Variants in KIF26B observed in about 807,000 individuals in gnomAD.
KIF26B encodes the protein kinesin-like protein KIF26B.
A neutral mutation model predicts 151.2 loss-of-function variants in KIF26B; 63 were observed. The ratio of observed to expected loss-of-function variants is 0.42; its 90% CI spans 0.34 to 0.51. KIF26B has a LOEUF of 0.51. KIF26B is among the 20% of genes least tolerant of loss of function. The pLI, the probability that KIF26B is intolerant of heterozygous loss-of-function variation, is 0.07. For synonymous variants in KIF26B, 1,357 were observed against 1,262.1 expected (o/e 1.08, Z -1.59); for missense variants, 2,813 against 2,913.6 (o/e 0.97, Z 0.79).
At chr1:245,361,466 A>C (rs1462438939) in intron 2 of KIF26B, among the ~76,000 whole-genome samples, 1 of 152,182 alleles carries the variant, frequency 6.6e-6, no homozygotes, top group Non-Finnish European at 1.5e-5. Flanking sequence ...CAGCGTGTTC[A>C]CGTGCTCAGC....
chr1:245,329,408 A>G (rs1672056404), intron 2 of KIF26B, among the ~76,000 whole-genome samples: 1 of 152,248 alleles, frequency 6.6e-6, no homozygotes, highest in Admixed American at 6.5e-5. Context: ...ACACCGTGGC[A>G]TTCCTGCCTG....
intron 2 of KIF26B, among the ~76,000 whole-genome samples, chr1:245,191,348 G>T (rs113968778): frequency 6.6e-6 from 1 of 151,932 alleles, no homozygotes; most frequent in African/African-American, 2.4e-5. Context: ...GATGGCAGAC[G>T]CCTGTAATCC....
chr1:245,298,076 G>A (rs956755633), intron 2 of KIF26B, among the ~76,000 whole-genome samples: 7 of 151,902 alleles, frequency 4.6e-5, no homozygotes, highest in African/African-American at 1.5e-4. Context: ...TAGTAGAGAC[G>A]GGCTCTCACC....
intron 2 of KIF26B, among the ~76,000 whole-genome samples, chr1:245,268,951 C>T (rs865802353): frequency 6.6e-6 from 1 of 152,010 alleles, no homozygotes; most frequent in Non-Finnish European, 1.5e-5. Context: ...GCTGTGTATA[C>T]ATGTGTAGTG....
At chr1:245,425,889 T>G (rs1282877987) in intron 4 of KIF26B, among the ~76,000 whole-genome samples, 1 of 152,236 alleles carries the variant, frequency 6.6e-6, no homozygotes, top group Admixed American at 6.5e-5. Context: ...AGTTCTGCCC[T>G]CAGACATCAC....
intron 9 of KIF26B, among the ~76,000 whole-genome samples, chr1:245,620,738 A>C (rs1348955877): frequency 6.6e-6 from 1 of 152,206 alleles, no homozygotes; most frequent in African/African-American, 2.4e-5. Flanking sequence ...TTTTCAAAGC[A>C]TTGAGTTGAG....
chr1:245,661,061 A>G (rs896349599), intron 10 of KIF26B, among the ~76,000 whole-genome samples: 3 of 149,528 alleles, frequency 2.0e-5, no homozygotes, highest in African/African-American at 7.4e-5. Flanking sequence ...ATCTTGGCTC[A>G]CTGCAACCTC....
intron 2 of KIF26B, among the ~76,000 whole-genome samples, chr1:245,158,070 G>A (rs944404360): frequency 1.1e-4 from 16 of 152,144 alleles, no homozygotes; most frequent in African/African-American, 3.1e-4. Context: ...GGAATGTAGG[G>A]TGCTGTGAGG....
chr1:245,250,670 T>A (rs1670426724), intron 2 of KIF26B, among the ~76,000 whole-genome samples: 1 of 152,220 alleles, frequency 6.6e-6, no homozygotes. Context: ...TGTTTTCTTG[T>A]TTTGAGATGG....
In KIF26B at chr1:245,364,133, C is replaced by T. The variant is rs559586673; in HGVS notation, c.466-2701C>T. The stretch of plus-strand genomic sequence containing the variant: ...GGTGTTGTTCTCATGCACCCTCAGA[C>T]CCCCAGCCTGGGGCAACACTGGGCG... On this transcript the variant is annotated intron_variant, in intron 2 of 14. Coordinates refer to ENST00000407071, the MANE Select transcript of KIF26B (RefSeq NM_018012.4). Among the ~76,000 whole-genome samples the T allele has an allele frequency of 2.6e-5, 4 of 152,300 alleles. No homozygotes were observed. In the South Asian group the frequency reaches 8.3e-4, roughly 32 times the overall value.
chr1:245,274,077 G>A (rs1670897948), intron 2 of KIF26B, among the ~76,000 whole-genome samples: 1 of 151,928 alleles, frequency 6.6e-6, no homozygotes, highest in Admixed American at 6.6e-5. Context: ...ACATTTTATA[G>A]TTATATTAAT....
intron 5 of KIF26B, among the ~76,000 whole-genome samples, chr1:245,568,470 C>A (rs895172661): frequency 2.6e-5 from 4 of 151,784 alleles, no homozygotes; most frequent in Admixed American, 2.6e-4. Flanking sequence ...TGATCATATC[C>A]CTGCCCTTCA....
At chr1:245,494,032 G>A (rs34055827) in intron 4 of KIF26B, among the ~76,000 whole-genome samples, 4,775 of 152,080 alleles carry the variant, frequency 0.031, 122 homozygotes, top group Non-Finnish European at 0.05. Flanking sequence ...GGCGGGGTGC[G>A]GTGGCTTATG....
intron 5 of KIF26B, among the ~76,000 whole-genome samples, chr1:245,600,311 T>G (rs552293162): frequency 2.0e-4 from 29 of 143,722 alleles, no homozygotes; most frequent in South Asian, 6.9e-4. Flanking sequence ...GTGCTGGGAT[T>G]ACAGGCGTGA....
At chr1:245,301,227 C>T (rs528228023) in intron 2 of KIF26B, among the ~76,000 whole-genome samples, 2 of 152,302 alleles carry the variant, frequency 1.3e-5, no homozygotes, top group Non-Finnish European at 2.9e-5. Flanking sequence ...GCCTTCCTGC[C>T]GCATGCAGGA....
intron 2 of KIF26B, among the ~76,000 whole-genome samples, chr1:245,238,300 T>C (rs3106157): frequency 1 from 151,784 of 152,310 alleles, 75,634 homozygotes; most frequent in Middle Eastern, 1. Flanking sequence ...CGCACCACTG[T>C]GCTCCAGCCT....
rs568423563 is a variant in KIF26B at position 245,293,651 on chromosome 1, T to G, written c.466-73183T>G. The stretch of plus-strand genomic sequence containing the variant: ...TGGAGTGCAATGGCGCAATCTCCAC[T>G]CACCGCAACTTCCACCTCCCGGGTT... On this transcript the variant is annotated intron_variant, in intron 2 of 14. Coordinates refer to ENST00000407071, the MANE Select transcript of KIF26B (RefSeq NM_018012.4). Among the ~76,000 whole-genome samples the G allele has an allele frequency of 6.6e-5, 10 of 150,670 alleles. No homozygotes were observed. The South Asian group carries it at 2.1e-3, about 32-fold the overall frequency.
rs1224323261 is a variant in KIF26B at position 245,708,550 on chromosome 1, C to G, written c.*5944C>G. 1 of 152,140 alleles carries G rather than the reference C, an allele frequency of 6.6e-6. No individual in the cohort carries two copies. Among genetic ancestry groups the G allele is most frequent in the Non-Finnish European group, 1.5e-5 (1 of 68,046 alleles). The allele number at this position is 152,140 out of a possible 1,614,324, so 9.4% of individuals were successfully genotyped here. ...AGGACAGAAAACCTGAGTTCTAATT[C>G]CAGCTTTGCCAGTCGTCCCGTCCGT... On this transcript the variant is annotated 3_prime_UTR_variant, in exon 15 of 15. Transcript: ENST00000407071.
chr1:245,438,775 G>A (rs565054401), intron 4 of KIF26B, among the ~76,000 whole-genome samples: 2 of 152,304 alleles, frequency 1.3e-5, no homozygotes, highest in South Asian at 2.1e-4. Flanking sequence ...GTAAGCGACG[G>A]AAACCAGATC....
Sources: allele counts gnomAD v4.1 joint callset (sites outside exome capture counted in the v4.1 genomes callset), GRCh38; gene constraint gnomAD v4.1.1; transcripts MANE v1.5; gene names NCBI Gene and HGNC (gene_info 2026-07-23, HGNC 2026-07-21).